PCDHA4: variants seen among roughly 807,000 people sequenced by gnomAD.
PCDHA4 encodes protocadherin alpha-4.
A neutral mutation model predicts 61.4 loss-of-function variants in PCDHA4; 49 were observed. The observed-to-expected ratio is 0.80, with a 90% confidence interval of 0.63 to 1.01. The LOEUF is 1.01. PCDHA4 is among the 50% of genes least tolerant of loss of function. PCDHA4 has a pLI of 0.00. For missense variants in PCDHA4, 1,254 were observed against 1,235.8 expected, an observed-to-expected ratio of 1.01 and a Z score of -0.22; for synonymous variants, 590 against 550.3, an observed-to-expected ratio of 1.07 and a Z score of -1.01.
At chr5:140,827,106 T>C (rs1180227129) in intron 1 of PCDHA4, among the ~76,000 whole-genome samples, 1 of 152,176 alleles carries the variant, frequency 6.6e-6, no homozygotes, top group Non-Finnish European at 1.5e-5. Flanking sequence ...TCAGCATGTA[T>C]AGGTGAAAGT....
At chr5:140,964,862 A>G (rs560839818) in intron 1 of PCDHA4, among the ~76,000 whole-genome samples, 1 of 152,316 alleles carries the variant, frequency 6.6e-6, no homozygotes, top group South Asian at 2.1e-4. Context: ...GGAAACAAAG[A>G]GGACAAATAA....
At chr5:140,862,588 G>A in intron 1 of PCDHA4, 1 of 501,458 alleles carries the variant, frequency 2.0e-6, no homozygotes, top group Non-Finnish European at 4.1e-6. Context: ...CCAGCAGCCC[G>A]AGTACATGGT....
intron 1 of PCDHA4, among the ~76,000 whole-genome samples, chr5:140,879,438 A>C (rs2057989809): frequency 6.6e-6 from 1 of 152,214 alleles, no homozygotes; most frequent in South Asian, 2.1e-4. Context: ...ACATTTAAGA[A>C]AATGTTACTT....
At chr5:140,883,759 G>C (rs1554179777) in intron 1 of PCDHA4, 1 of 1,612,822 alleles carries the variant, frequency 6.2e-7, no homozygotes, top group Non-Finnish European at 8.5e-7. Context: ...TGGTGGAGCG[G>C]CGGGTGGGCG....
chr5:140,906,243 A>T (rs2072484346), intron 1 of PCDHA4, among the ~76,000 whole-genome samples: 1 of 152,190 alleles, frequency 6.6e-6, no homozygotes, highest in South Asian at 2.1e-4. Flanking sequence ...GTCAACTTGA[A>T]CCCATACACA....
chr5:140,883,683 G>A lies in PCDHA4; in HGVS notation c.2385+74111G>A, dbSNP rs1015362604. ...GTGAAGGAAAACAATCCGCCGGGCT[G>A]CCACATCTTCACGGTGTCTGCTCAG... On this transcript the variant is annotated intron_variant, in intron 1 of 3. Transcript: ENST00000530339. 4 of 1,613,808 alleles carry A rather than the reference G, an allele frequency of 2.5e-6. No individual in the cohort carries two copies. Among genetic ancestry groups the A allele is most frequent in the Non-Finnish European group, 3.4e-6 (4 of 1,179,896 alleles).
chr5:140,843,048 C>T (rs1554139673), intron 1 of PCDHA4: 2 of 1,595,084 alleles, frequency 1.3e-6, no homozygotes, highest in Non-Finnish European at 1.7e-6. Context: ...ACTGGTGGCG[C>T]AGCGAGCAAG....
chr5:140,949,664 A>T (rs2094409163), intron 1 of PCDHA4, among the ~76,000 whole-genome samples: 1 of 151,578 alleles, frequency 6.6e-6, no homozygotes, highest in African/African-American at 2.4e-5. Context: ...TTGTTTCTTT[A>T]AAGTATGCCC....
intron 1 of PCDHA4, among the ~76,000 whole-genome samples, chr5:140,902,203 C>CTTTTT (rs148688132): frequency 5.6e-5 from 7 of 124,458 alleles, no homozygotes; most frequent in South Asian, 2.5e-4. Context: ...CTCTCTCTTT[C>CTTTTT]TTTTTTTTTT....
chr5:140,810,242 C>A (rs78416157), intron 1 of PCDHA4: 5 of 152,098 alleles, frequency 3.3e-5, no homozygotes, highest in Non-Finnish European at 7.3e-5. Flanking sequence ...TTCTACTGTT[C>A]AGGAATTTGC....
intron 2 of PCDHA4, 69 bp downstream of exon 2, chr5:140,979,076 C>G: frequency 6.3e-7 from 1 of 1,584,068 alleles, no homozygotes; most frequent in South Asian, 1.1e-5. Flanking sequence ...AACTGCATCT[C>G]CATAGGCCAG....
intron 1 of PCDHA4, chr5:140,967,043 G>A: frequency 6.2e-7 from 1 of 1,612,108 alleles, no homozygotes; most frequent in Non-Finnish European, 8.5e-7. Context: ...CCTGGAGCTG[G>A]ACCTGACGAG....
chr5:140,950,556 A>G (rs2094497175), intron 1 of PCDHA4, among the ~76,000 whole-genome samples: 2 of 152,036 alleles, frequency 1.3e-5, no homozygotes, highest in Non-Finnish European at 2.9e-5. Context: ...CTGGGGGGAC[A>G]CTTATTTTAA....
At chr5:140,999,486 A>G (rs1282748321) in intron 3 of PCDHA4, among the ~76,000 whole-genome samples, 1 of 152,144 alleles carries the variant, frequency 6.6e-6, no homozygotes, top group Non-Finnish European at 1.5e-5. Context: ...ACTCAAGTCT[A>G]TGTTACCCAA....
intron 3 of PCDHA4, among the ~76,000 whole-genome samples, chr5:140,988,221 T>A (rs1554249982): frequency 6.6e-6 from 1 of 152,016 alleles, no homozygotes; most frequent in Non-Finnish European, 1.5e-5. Context: ...AAAAATGAGA[T>A]CAGGGATCTA....
At chr5:140,828,080 G>A (rs2150150678) in intron 1 of PCDHA4, 4 of 1,580,098 alleles carry the variant, frequency 2.5e-6, no homozygotes, top group Non-Finnish European at 3.4e-6. Context: ...AATAAAACCA[G>A]AGGTATTTGA....
chr5:140,926,311 G>C (rs2030500500), intron 1 of PCDHA4: 1 of 152,272 alleles, frequency 6.6e-6, no homozygotes, highest in South Asian at 2.1e-4. Flanking sequence ...CTCCGCCGGA[G>C]AGGTGCGCCG....
Position 140,822,919 on chromosome 5 carries a change from G to T in PCDHA4, c.2385+13347G>T. Reference sequence around the variant, plus strand: ...GTCTGACCGTGACTCAGGTGCCAACGGGCAGGTGACCTGCTCCCTAATGCC... The same window carrying T: ...GTCTGACCGTGACTCAGGTGCCAACTGGCAGGTGACCTGCTCCCTAATGCC... On this transcript the variant is annotated intron_variant, in intron 1 of 3. Coordinates refer to ENST00000530339, the MANE Select transcript of PCDHA4 (RefSeq NM_018907.4). 1 of 1,614,230 alleles carries T rather than the reference G, an allele frequency of 6.2e-7. No individual in the cohort carries two copies. Among genetic ancestry groups the T allele is most frequent in the Non-Finnish European group, 8.5e-7 (1 of 1,180,044 alleles).
intron 1 of PCDHA4, among the ~76,000 whole-genome samples, chr5:140,888,362 T>G (rs1282144902): frequency 6.6e-6 from 1 of 152,208 alleles, no homozygotes; most frequent in African/African-American, 2.4e-5. Flanking sequence ...TACTGGCATC[T>G]AATAATGGAG....
Sources: allele counts gnomAD v4.1 joint callset (sites outside exome capture counted in the v4.1 genomes callset), GRCh38; gene constraint gnomAD v4.1.1; transcripts MANE v1.5; gene names NCBI Gene and HGNC (gene_info 2026-07-23, HGNC 2026-07-21).